MBD5: variants seen among roughly 807,000 people sequenced by gnomAD.
The protein encoded by MBD5 is methyl-CpG binding domain protein 5.
A neutral mutation model predicts 117.3 loss-of-function variants in MBD5; 13 were observed. That is an observed-to-expected ratio of 0.11 (90% CI 0.07 to 0.18). The LOEUF is 0.18. MBD5 is among the 10% of genes least tolerant of loss of function. The pLI, the probability that MBD5 is intolerant of heterozygous loss-of-function variation, is 1.00. For synonymous variants in MBD5, 727 were observed against 766.4 expected (o/e 0.95, Z 0.85); for missense variants, 1,879 against 2,093.8 (o/e 0.90, Z 2.00).
At chr2:148,282,594 G>C (rs1444462663) in intron 3 of MBD5, among the ~76,000 whole-genome samples, 1 of 151,638 alleles carries the variant, frequency 6.6e-6, no homozygotes, top group African/African-American at 2.4e-5. Flanking sequence ...AATTAGCATA[G>C]CATTATGAAC....
intron 2 of MBD5, among the ~76,000 whole-genome samples, chr2:148,191,860 G>A (rs1247876791): frequency 8.5e-6 from 1 of 117,034 alleles, no homozygotes; most frequent in Non-Finnish European, 1.8e-5. Flanking sequence ...TAGACCGCTA[G>A]CAAGACTAAT....
intron 3 of MBD5, among the ~76,000 whole-genome samples, chr2:148,321,848 A>G (rs1467114244): frequency 6.6e-6 from 1 of 152,064 alleles, no homozygotes; most frequent in Admixed American, 6.5e-5. Context: ...TCGGCCTCCT[A>G]GAGTGCTGGG....
chr2:148,050,223 A>G (rs1438481915), intron 1 of MBD5, among the ~76,000 whole-genome samples: 1 of 152,138 alleles, frequency 6.6e-6, no homozygotes, highest in Non-Finnish European at 1.5e-5. Context: ...TGTTACAGCC[A>G]TCAAGTGAGG....
chr2:148,478,235 T>C (rs1681033072), intron 8 of MBD5, among the ~76,000 whole-genome samples: 1 of 152,226 alleles, frequency 6.6e-6, no homozygotes, highest in South Asian at 2.1e-4. Context: ...TGTACACACA[T>C]ATGCATATAC....
chr2:148,259,772 G>C (rs1700688159), intron 3 of MBD5, among the ~76,000 whole-genome samples: 1 of 152,162 alleles, frequency 6.6e-6, no homozygotes, highest in South Asian at 2.1e-4. Flanking sequence ...CACGTGGTGT[G>C]GTTGCATAAT....
chr2:148,328,525 G>A (rs1217142743), intron 3 of MBD5, among the ~76,000 whole-genome samples: 4 of 152,242 alleles, frequency 2.6e-5, no homozygotes, highest in Admixed American at 6.5e-5. Context: ...CGACCCAGGT[G>A]CAGGATATAA....
chr2:148,131,233 T>G (rs1384035259), intron 1 of MBD5, among the ~76,000 whole-genome samples: 1 of 152,196 alleles, frequency 6.6e-6, no homozygotes, highest in African/African-American at 2.4e-5. Context: ...GTTTGTTTGC[T>G]TTGTTTTTTA....
intron 4 of MBD5, among the ~76,000 whole-genome samples, chr2:148,345,678 TG>T (rs1703106231): frequency 6.7e-6 from 1 of 148,186 alleles, no homozygotes; most frequent in Admixed American, 6.8e-5. Context: ...CATATATAAA[TG>T]TATGTGTGTG....
chr2:148,400,829 A>G (rs1287195397), intron 4 of MBD5, among the ~76,000 whole-genome samples: 7 of 151,892 alleles, frequency 4.6e-5, no homozygotes, highest in Non-Finnish European at 1.0e-4. Flanking sequence ...GTGATTTTTT[A>G]CCCTTTTATG....
At chr2:148,023,017 T>C (rs1435299397) in intron 1 of MBD5, among the ~76,000 whole-genome samples, 1 of 152,158 alleles carries the variant, frequency 6.6e-6, no homozygotes, top group Non-Finnish European at 1.5e-5. Flanking sequence ...TTCTTTATTC[T>C]TTCCTTGAAG....
chr2:148,376,370 T>C (rs911698356), intron 4 of MBD5, among the ~76,000 whole-genome samples: 10 of 150,144 alleles, frequency 6.7e-5, no homozygotes, highest in African/African-American at 2.2e-4. Flanking sequence ...TGGGTTCACG[T>C]CATTCTCCTG....
intron 11 of MBD5, among the ~76,000 whole-genome samples, chr2:148,496,900 T>C (rs1384449471): frequency 1.3e-5 from 2 of 152,350 alleles, no homozygotes; most frequent in Non-Finnish European, 2.9e-5. Flanking sequence ...TGTACTATTG[T>C]TGGAAAACAA....
chr2:148,210,647 A>C (rs113481247), intron 2 of MBD5, among the ~76,000 whole-genome samples: 1 of 152,052 alleles, frequency 6.6e-6, no homozygotes, highest in Admixed American at 6.6e-5. Flanking sequence ...ATTATATTAT[A>C]AATCAAAGTT....
intron 4 of MBD5, among the ~76,000 whole-genome samples, chr2:148,412,303 T>G (rs866232680): frequency 2.9e-5 from 4 of 138,234 alleles, no homozygotes; most frequent in Non-Finnish European, 4.8e-5. Context: ...TGTGTGTGTG[T>G]AGAGAGAGAG....
At chr2:148,375,708 A>G (rs1383635842) in intron 4 of MBD5, among the ~76,000 whole-genome samples, 1 of 152,188 alleles carries the variant, frequency 6.6e-6, no homozygotes, top group East Asian at 1.9e-4. Flanking sequence ...GTCACAGGTC[A>G]TAGATGTCCA....
chr2:148,380,413 T>A (rs1704103500), intron 4 of MBD5, among the ~76,000 whole-genome samples: 1 of 152,164 alleles, frequency 6.6e-6, no homozygotes, highest in South Asian at 2.1e-4. Flanking sequence ...AGAATTGTTG[T>A]CTCATAGACC....
intron 11 of MBD5, among the ~76,000 whole-genome samples, chr2:148,491,733 AT>A (rs1438564364): frequency 2.4e-5 from 3 of 124,718 alleles, no homozygotes; most frequent in Admixed American, 7.4e-5. Flanking sequence ...CCATACCCCT[AT>A]TCACAAAATA....
rs115540053 is a variant in MBD5, at chr2:148,248,217, G to C, written c.-680+14822G>C. ...TACATCTTTATTGGAAGGGTACCTAGTAAAATCAGCTATCACTTCCCATGA... is the reference window on the plus strand; with the variant it reads ...TACATCTTTATTGGAAGGGTACCTACTAAAATCAGCTATCACTTCCCATGA... On this transcript the variant is annotated intron_variant, in intron 3 of 13. Coordinates refer to ENST00000642680, the MANE Select transcript of MBD5 (RefSeq NM_001378120.1). Among the ~76,000 whole-genome samples, 1,486 of 152,214 alleles carry C rather than the reference G, an allele frequency of 9.8e-3. 11 individuals are homozygous for C. The highest frequency in any genetic ancestry group is 0.015 in the Non-Finnish European group (1,022 of 67,974).
chr2:148,094,712 G>A (rs1305995805), intron 1 of MBD5, among the ~76,000 whole-genome samples: 1 of 152,102 alleles, frequency 6.6e-6, no homozygotes, highest in Non-Finnish European at 1.5e-5. Flanking sequence ...AAATCTGGAT[G>A]AGAATGTTAT....
Sources: allele counts gnomAD v4.1 joint callset (sites outside exome capture counted in the v4.1 genomes callset), GRCh38; gene constraint gnomAD v4.1.1; transcripts MANE v1.5; gene names NCBI Gene and HGNC (gene_info 2026-07-23, HGNC 2026-07-21).